PSMD1: variants seen among roughly 807,000 people sequenced by gnomAD.
PSMD1 encodes proteasome 26S subunit, non-ATPase 1, also known as 26S proteasome non-ATPase regulatory subunit 1.
A neutral mutation model predicts 119.0 loss-of-function variants in PSMD1; 18 were observed. The observed-to-expected ratio is 0.15, with a 90% CI of 0.10 to 0.22. PSMD1 has a LOEUF of 0.22. Ranked by LOEUF, PSMD1 falls within the 10% of genes least tolerant of loss-of-function variation. The pLI is 1.00. For missense variants in PSMD1, 702 were observed against 1,158.5 expected, an observed-to-expected ratio of 0.61 and a Z score of 5.72; for synonymous variants, 374 against 396.6, an observed-to-expected ratio of 0.94 and a Z score of 0.68.
intron 16 of PSMD1, among the ~76,000 whole-genome samples, chr2:231,094,552 A>G (rs1694680624): frequency 6.6e-6 from 1 of 152,228 alleles, no homozygotes. Context: ...TGATGGGCTG[A>G]GCAGAAAAAG....
chr2:231,082,942 A>C lies in PSMD1; in HGVS notation c.1473A>C (p.Gln491His). ...TGGCAGCCATGGGAACTGCACGTCA[A>C]GATGTTTATGATTTGCTAAAAACAA... ...LGLAAMGTARQDVYDLLKTNL... is the reference protein window; with the variant it reads ...LGLAAMGTARHDVYDLLKTNL... The change falls in exon 13 of 25, where the codon CAA becomes CAC. Residue 491 changes from glutamine (Q) to histidine (H), a missense_variant. Around this residue, in one of 9 missense-constraint regions of PSMD1, gnomAD observed 272 missense variants for 511.6 expected, o/e 0.53. Transcript: ENST00000308696. 1.2e-6 allele frequency: 2 copies of C among 1,614,140 alleles called. No homozygotes were observed. Among genetic ancestry groups the C allele is most frequent in the Non-Finnish European group, 1.7e-6 (2 of 1,179,970 alleles).
At chr2:231,149,597 T>G (rs111756697) in intron 18 of PSMD1, among the ~76,000 whole-genome samples, 3 of 152,378 alleles carry the variant, frequency 2.0e-5, no homozygotes, top group African/African-American at 7.2e-5. Context: ...CCAGTATTAC[T>G]TGGCCTAAGG....
At chr2:231,080,026 T>A in intron 11 of PSMD1, 115 bp from the exon 12 acceptor site, 1 of 899,280 alleles carries the variant, frequency 1.1e-6, no homozygotes, top group South Asian at 2.2e-5. Context: ...CCCCACTACC[T>A]CCTTCTCTCT....
chr2:231,062,816 G>A (rs1339329230), intron 4 of PSMD1, 141 bp downstream of exon 4: 5 of 698,688 alleles, frequency 7.2e-6, no homozygotes, highest in Non-Finnish European at 1.0e-5. Flanking sequence ...ATAATTTTAT[G>A]CAGGCTGAGT....
At chr2:231,123,836 GT>G in intron 16 of PSMD1, 6 of 1,172,538 alleles carry the variant, frequency 5.1e-6, no homozygotes, top group Non-Finnish European at 7.7e-6. Context: ...CTGCTCATCT[GT>G]TTTTTTAAGG....
intron 16 of PSMD1, among the ~76,000 whole-genome samples, chr2:231,132,501 A>G (rs1695877217): frequency 6.6e-6 from 1 of 152,332 alleles, no homozygotes; most frequent in South Asian, 2.1e-4. Flanking sequence ...ACCTTTGGAC[A>G]TCAAATGTTA....
chr2:231,124,732 A>AT (rs1695676441), intron 16 of PSMD1, among the ~76,000 whole-genome samples: 1 of 152,016 alleles, frequency 6.6e-6, no homozygotes, highest in African/African-American at 2.4e-5. Flanking sequence ...AGTAGTGTTT[A>AT]TTTTTTTAAC....
Position 231,098,447 on chromosome 2 carries a change from T to TTC in PSMD1, c.1883+11278_1883+11279dup, listed in dbSNP as rs372348373. Among the ~76,000 whole-genome samples, 363 of 150,736 alleles carry TTC rather than the reference T, an allele frequency of 2.4e-3. 1 individual carries two copies. The highest frequency in any genetic ancestry group is 8.5e-3 in the African/African-American group (346 of 40,840). On this transcript the variant is annotated intron_variant, in intron 16 of 24. Coordinates refer to ENST00000308696, the MANE Select transcript of PSMD1 (RefSeq NM_002807.4). ...ACTCCCTCTTTGTCTCTCTGTCTCT[T>TTC]TCTCTCTCTCTCTGTCTCTTTCTCT...
At chr2:231,057,175 C>T in intron 1 of PSMD1, 134 bp downstream of exon 1, 2 of 1,129,156 alleles carry the variant, frequency 1.8e-6, no homozygotes, top group South Asian at 1.7e-5. Flanking sequence ...CCAGGGCCCA[C>T]CCCCGGGCCG....
chr2:231,082,753 A>G (rs11694724), intron 12 of PSMD1, 130 bp from the exon 13 acceptor site: 33,766 of 646,540 alleles, frequency 0.052, 1,121 homozygotes, highest in Non-Finnish European at 0.066. Context: ...TTTGATTATC[A>G]CATCCTTTGA....
At chr2:231,154,129 C>CA (rs1166095818) in intron 19 of PSMD1, among the ~76,000 whole-genome samples, 2 of 149,350 alleles carry the variant, frequency 1.3e-5, no homozygotes, top group Non-Finnish European at 3.0e-5. Context: ...ACAAAAAAAC[C>CA]AAAAAAAAGT....
chr2:231,120,799 A>G (rs1425233625), intron 16 of PSMD1, among the ~76,000 whole-genome samples: 4 of 152,234 alleles, frequency 2.6e-5, no homozygotes, highest in Admixed American at 2.6e-4. Flanking sequence ...CTTTTATCAT[A>G]GAACCAAGAA....
intron 16 of PSMD1, chr2:231,125,182 T>C (rs895593722): frequency 1.3e-5 from 2 of 152,230 alleles, no homozygotes; most frequent in African/African-American, 4.8e-5. Context: ...AGTAGCAGCA[T>C]TCATTGTAAT....
chr2:231,100,172 A>G (rs1271853067), intron 16 of PSMD1, among the ~76,000 whole-genome samples: 1 of 152,188 alleles, frequency 6.6e-6, no homozygotes, highest in African/African-American at 2.4e-5. Context: ...ATTGTTACAT[A>G]TAAAGTTTCG....
intron 5 of PSMD1, 93 bp from the exon 6 acceptor site, chr2:231,069,932 G>C (rs1694001984): frequency 1.8e-6 from 2 of 1,081,398 alleles, no homozygotes; most frequent in African/African-American, 3.3e-5. Context: ...TCCTAGATTG[G>C]CTAAAGAAGC....
intron 16 of PSMD1, among the ~76,000 whole-genome samples, chr2:231,122,318 A>G (rs988905305): frequency 3.3e-5 from 5 of 152,154 alleles, no homozygotes; most frequent in African/African-American, 1.2e-4. Flanking sequence ...GTTATTACTT[A>G]TAAAATTGTA....
intron 20 of PSMD1, among the ~76,000 whole-genome samples, chr2:231,162,564 G>A (rs1207422156): frequency 1.3e-5 from 2 of 152,082 alleles, no homozygotes; most frequent in African/African-American, 4.8e-5. Flanking sequence ...TTTTATGACT[G>A]CTGTTTTTAC....
At chr2:231,094,418 C>T (rs1327245394) in intron 16 of PSMD1, among the ~76,000 whole-genome samples, 2 of 152,076 alleles carry the variant, frequency 1.3e-5, no homozygotes, top group South Asian at 4.1e-4. Flanking sequence ...AGGATGTGTA[C>T]GTTGATCCAG....
Position 231,077,077 on chromosome 2 carries a change from T to C in PSMD1, c.986T>C (p.Leu329Ser). ...KDQTLKMIKI[L>S]SGEMAIELHL... ...CAGACTTTGAAAATGATTAAAATTT[T>C]AAGTGGTGAAATGGCTATTGAGTTA... is the stretch of plus-strand genomic sequence containing the variant. The change falls in exon 9 of 25, where the codon TTA (leucine) becomes TCA (serine). Residue 329 changes from leucine (L) to serine (S), a missense_variant. Physicochemically the swap from Leu to Ser is moderately radical, Grantham distance 145. Transcript: ENST00000308696. The C allele has an allele frequency of 6.2e-7, 1 of 1,607,638 alleles. No individual in the cohort carries two copies. The highest frequency in any genetic ancestry group is 8.5e-7 in the Non-Finnish European group (1 of 1,176,642).
Sources: allele counts gnomAD v4.1 joint callset (sites outside exome capture counted in the v4.1 genomes callset), GRCh38; gene constraint gnomAD v4.1.1; regional missense constraint gnomAD v4.1.1; transcripts MANE v1.5; gene names NCBI Gene and HGNC (gene_info 2026-07-23, HGNC 2026-07-21).